FGF12: variants seen among roughly 807,000 people sequenced by gnomAD.
The protein encoded by FGF12 is fibroblast growth factor 12.
In FGF12, 14 loss-of-function variants were observed where a neutral mutation model predicts 23.6. That is an observed-to-expected ratio of 0.59 (90% confidence interval 0.39 to 0.93). The LOEUF (loss-of-function observed/expected upper bound fraction) is 0.93. Ranked by LOEUF, FGF12 falls within the 40% of genes least tolerant of loss-of-function variation. The pLI is 0.00. For missense variants in FGF12, 175 were observed against 217.8 expected (o/e 0.80, Z 1.24); for synonymous variants, 62 against 77.3 (o/e 0.80, Z 1.04).
intron 2 of FGF12, among the ~76,000 whole-genome samples, chr3:192,370,957 C>G (rs1479454550): frequency 6.6e-6 from 1 of 152,198 alleles, no homozygotes; most frequent in Non-Finnish European, 1.5e-5. Context: ...GAAAGCTTAA[C>G]GCAGGCATTC....
At chr3:192,325,308 A>G (rs2108686006) in intron 4 of FGF12, among the ~76,000 whole-genome samples, 1 of 152,266 alleles carries the variant, frequency 6.6e-6, no homozygotes, top group East Asian at 1.9e-4. Flanking sequence ...AAGGAATGTG[A>G]CAAAGGTCAA....
chr3:192,438,217 T>G (rs1272802096), intron 2 of FGF12, among the ~76,000 whole-genome samples: 2 of 152,250 alleles, frequency 1.3e-5, no homozygotes, highest in South Asian at 2.1e-4. Context: ...TGATTCTAAC[T>G]GAGTATTATT....
chr3:192,482,632 TCAAAAAA>T (rs1274464316), intron 2 of FGF12, among the ~76,000 whole-genome samples: 9 of 151,964 alleles, frequency 5.9e-5, no homozygotes, highest in Non-Finnish European at 1.3e-4. Flanking sequence ...GGATTCCGTC[TCAAAAAA>T]CAAAAAACAA....
intron 2 of FGF12, among the ~76,000 whole-genome samples, chr3:192,442,876 C>T (rs1215949637): frequency 2.0e-5 from 3 of 150,678 alleles, no homozygotes; most frequent in Middle Eastern, 3.4e-3. Flanking sequence ...GGCGCAGTCT[C>T]GGCTCACTGC....
At chr3:192,618,866 A>G (rs1016047927) in intron 2 of FGF12, among the ~76,000 whole-genome samples, 2 of 152,048 alleles carry the variant, frequency 1.3e-5, no homozygotes, top group African/African-American at 4.8e-5. Context: ...CTACTAAGTG[A>G]GAAACACTTG....
intron 2 of FGF12, among the ~76,000 whole-genome samples, chr3:192,567,793 C>CTTTCTTTCT (rs1553831696): frequency 0.033 from 4,297 of 129,724 alleles, 137 homozygotes; most frequent in Middle Eastern, 0.092. Flanking sequence ...TTCTTTCTTT[C>CTTTCTTTCT]TTTCTTTCTC....
At chr3:192,297,786 T>C (rs1199322984) in intron 4 of FGF12, among the ~76,000 whole-genome samples, 2 of 152,172 alleles carry the variant, frequency 1.3e-5, no homozygotes, top group African/African-American at 4.8e-5. Context: ...ATCCCCAAAG[T>C]TAGCAGTGCT....
intron 2 of FGF12, among the ~76,000 whole-genome samples, chr3:192,550,671 G>T (rs1427972281): frequency 1.3e-5 from 2 of 151,962 alleles, no homozygotes; most frequent in Non-Finnish European, 2.9e-5. Flanking sequence ...CACAACTAGA[G>T]CATCAGGTGA....
intron 5 of FGF12, among the ~76,000 whole-genome samples, chr3:192,164,813 A>T (rs1017139060): frequency 6.6e-6 from 1 of 152,082 alleles, no homozygotes; most frequent in Non-Finnish European, 1.5e-5. Context: ...ATAGTCAATA[A>T]TTTTTTTGGT....
chr3:192,528,078 T>C (rs1724995559), intron 2 of FGF12, among the ~76,000 whole-genome samples: 1 of 152,084 alleles, frequency 6.6e-6, no homozygotes, highest in Non-Finnish European at 1.5e-5. Context: ...TATCCTCACA[T>C]ATCAAAGCCA....
At chr3:192,647,323 T>C (rs1190677401) in intron 2 of FGF12, among the ~76,000 whole-genome samples, 1 of 152,054 alleles carries the variant, frequency 6.6e-6, no homozygotes, top group Non-Finnish European at 1.5e-5. Flanking sequence ...AAAATATTCA[T>C]CAATGAACTA....
intron 5 of FGF12, among the ~76,000 whole-genome samples, chr3:192,160,428 C>T (rs1714803260): frequency 6.6e-6 from 1 of 152,112 alleles, no homozygotes; most frequent in South Asian, 2.1e-4. Flanking sequence ...TCAGCTTTGC[C>T]TGCAAAAACC....
At chr3:192,532,166 T>G (rs532180685) in intron 2 of FGF12, among the ~76,000 whole-genome samples, 20 of 152,320 alleles carry the variant, frequency 1.3e-4, no homozygotes, top group African/African-American at 4.8e-4. Flanking sequence ...TGTAGTATAA[T>G]TTGAAGTTGG....
chr3:192,322,738 A>G (rs1716616204), intron 4 of FGF12, among the ~76,000 whole-genome samples: 1 of 152,214 alleles, frequency 6.6e-6, no homozygotes, highest in South Asian at 2.1e-4. Context: ...TTCCAAGAAC[A>G]TACATTGGGG....
chr3:192,366,684 A>G (rs1010089385), intron 2 of FGF12, among the ~76,000 whole-genome samples: 2 of 152,296 alleles, frequency 1.3e-5, no homozygotes, highest in Non-Finnish European at 2.9e-5. Flanking sequence ...ACCTGTCCAG[A>G]GGAAAGGAGC....
intron 4 of FGF12, among the ~76,000 whole-genome samples, chr3:192,271,021 G>C (rs1274090384): frequency 6.6e-6 from 1 of 152,106 alleles, no homozygotes; most frequent in Non-Finnish European, 1.5e-5. Flanking sequence ...CCTGCAGTAA[G>C]GATGGTTCTT....
intron 4 of FGF12, among the ~76,000 whole-genome samples, chr3:192,285,367 A>T (rs771099133): frequency 2.0e-5 from 3 of 152,058 alleles, no homozygotes; most frequent in Non-Finnish European, 4.4e-5. Context: ...TTTTCACTAC[A>T]ATCTCAAGCA....
At chr3:192,590,232 G>A (rs1326882325) in intron 2 of FGF12, among the ~76,000 whole-genome samples, 1 of 151,696 alleles carries the variant, frequency 6.6e-6, no homozygotes, top group Non-Finnish European at 1.5e-5. Context: ...GTATATGTAT[G>A]GAACCAGGGA....
At position 192,404,083 on chromosome 3, in the gene FGF12, C is replaced by T. The variant is rs1214647032; in HGVS notation, c.14-43545G>A. Reference sequence around the variant, plus strand: ...CTCCATTACTTTTTAAAGGGATCGGCGTATGAAATCAAATCTTTAAATTGT... The same window carrying T: ...CTCCATTACTTTTTAAAGGGATCGGTGTATGAAATCAAATCTTTAAATTGT... On this transcript the variant is annotated intron_variant, in intron 2 of 5. Transcript: ENST00000445105. 4.6e-5 allele frequency among the ~76,000 whole-genome samples: 7 copies of T among 152,000 alleles called. 1 individual carries two copies. Among genetic ancestry groups the T allele is most frequent in the South Asian group, 2.1e-4 (1 of 4,816 alleles).
Sources: allele counts gnomAD v4.1 joint callset (sites outside exome capture counted in the v4.1 genomes callset), GRCh38; gene constraint gnomAD v4.1.1; transcripts MANE v1.5; gene names NCBI Gene and HGNC (gene_info 2026-07-23, HGNC 2026-07-21).